EVC2: variants seen among roughly 807,000 people sequenced by gnomAD.
EVC2 encodes the protein EvC ciliary complex subunit 2.
Under a neutral mutation model 149.3 loss-of-function variants are expected in EVC2, and 148 were observed. The ratio of observed to expected loss-of-function variants is 0.99; its 90% CI spans 0.87 to 1.14. The LOEUF is 1.14. EVC2 is among the 50% of genes most tolerant of loss of function. The pLI is 0.00. For missense variants in EVC2, 1,854 were observed against 1,627.3 expected (o/e 1.14, Z -2.40); for synonymous variants, 776 against 649.9 (o/e 1.19, Z -2.95).
chr4:5,530,899 G>C, the EVC2 span, among the ~76,000 whole-genome samples: 1 of 152,154 alleles, frequency 6.6e-6, no homozygotes, highest in Non-Finnish European at 1.5e-5. Flanking sequence ...CTTGGTGTGA[G>C]CCACACTCAC....
At position 5,593,170 on chromosome 4, in the gene EVC2, T is replaced by C. The variant is rs537410791; in HGVS notation, c.2830-8320A>G. Among the ~76,000 whole-genome samples the C allele has an allele frequency of 2.6e-5, 4 of 152,260 alleles. No individual in the cohort carries two copies. The East Asian group carries it at 7.7e-4, about 29-fold the overall frequency. On this transcript the variant is annotated intron_variant, in intron 16 of 21. Transcript: ENST00000344408. ...CAATTAAACCTCTTTCCATTATAAA[T>C]CACCCAGTCTCGGGTATGTCCTTAT...
chr4:5,574,659 C>T, intron 19 of EVC2, 26 bp downstream of exon 19: 1 of 1,610,284 alleles, frequency 6.2e-7, no homozygotes, highest in Non-Finnish European at 8.5e-7. Context: ...AAGGGGTGGC[C>T]TCAGACCCTG....
chr4:5,627,273 T>C (rs1185656997), intron 12 of EVC2, among the ~76,000 whole-genome samples: 1 of 152,212 alleles, frequency 6.6e-6, no homozygotes. Context: ...AATTATGTCT[T>C]TTAAAATAGA....
chr4:5,657,161 A>G lies in EVC2; in HGVS notation c.1145+5946T>C, dbSNP rs76382939. Among the ~76,000 whole-genome samples, 15,648 of 152,106 alleles carry G rather than the reference A, an allele frequency of 0.1. 880 individuals are homozygous for G. Among genetic ancestry groups the G allele is most frequent in the East Asian group, 0.13 (691 of 5,140 alleles). On this transcript the variant is annotated intron_variant, in intron 9 of 21. Transcript: ENST00000344408. The surrounding 1 kb of genome is among the most constrained non-coding windows in gnomAD (Gnocchi z 4.7). ...CCCACCAGCCTCACACGGGCACTCC[A>G]TGTTGCTCAGCAAGTCTGGGTTTCT...
In EVC2 at chr4:5,660,968, C is replaced by T. The variant is rs148709936; in HGVS notation, c.1145+2139G>A. 3.4e-4 allele frequency among the ~76,000 whole-genome samples: 52 copies of T among 152,116 alleles called. No individual in the cohort carries two copies. The East Asian group carries it at 6.2e-3, about 18-fold the overall frequency. ...AAGCAGTACCAAATTAAATAAGGGG[C>T]GTGACATGAGCACCAAATTAAATAA... On this transcript the variant is annotated intron_variant, in intron 9 of 21. Transcript: ENST00000344408.
At chr4:5,693,928 T>C (rs1275766250) in intron 3 of EVC2, among the ~76,000 whole-genome samples, 1 of 152,238 alleles carries the variant, frequency 6.6e-6, no homozygotes, top group Non-Finnish European at 1.5e-5. Context: ...AAGAAACTCA[T>C]AATGAGGCTC....
intron 10 of EVC2, 93 bp from the exon 11 acceptor site, chr4:5,632,125 A>G: frequency 1.3e-6 from 2 of 1,524,976 alleles, no homozygotes; most frequent in East Asian, 2.3e-5. Flanking sequence ...ACATGTGCAC[A>G]CACAATGTGT....
chr4:5,536,578 A>G, the EVC2 span, among the ~76,000 whole-genome samples: 3 of 152,048 alleles, frequency 2.0e-5, no homozygotes, highest in Non-Finnish European at 4.4e-5. Flanking sequence ...AGGTCAGGAG[A>G]TCGAGACCAT....
intron 16 of EVC2, among the ~76,000 whole-genome samples, chr4:5,590,970 G>A (rs1294527917): frequency 1.3e-5 from 2 of 152,100 alleles, no homozygotes; most frequent in Admixed American, 6.5e-5. Flanking sequence ...GATCTCATGA[G>A]AACTCACTCA....
chr4:5,700,341 C>T (rs530015683), intron 1 of EVC2, among the ~76,000 whole-genome samples: 1 of 151,780 alleles, frequency 6.6e-6, no homozygotes, highest in South Asian at 2.1e-4. Flanking sequence ...GATGGCAAAG[C>T]ATCCATTGGA....
At chr4:5,683,552 A>G (rs776375406) in intron 6 of EVC2, among the ~76,000 whole-genome samples, 5 of 152,164 alleles carry the variant, frequency 3.3e-5, no homozygotes, top group Non-Finnish European at 7.4e-5. Context: ...TGAATAGGAC[A>G]CACTAGGTCC....
At chr4:5,593,441 G>A (rs866313145) in intron 16 of EVC2, among the ~76,000 whole-genome samples, 1 of 152,146 alleles carries the variant, frequency 6.6e-6, no homozygotes, top group Non-Finnish European at 1.5e-5. Context: ...TTCTTAGGAG[G>A]TGAGAATTAA....
At position 5,563,097 on chromosome 4, in the gene EVC2, A is replaced by C. The variant is rs745453932; in HGVS notation, c.3678T>G (p.Cys1226Trp). 2 of 1,613,980 alleles carry C rather than the reference A, an allele frequency of 1.2e-6. No individual in the cohort carries two copies. Among genetic ancestry groups the C allele is most frequent in the Non-Finnish European group, 1.7e-6 (2 of 1,180,032 alleles). Residue 1226 changes from cysteine to tryptophan, a missense_variant, in exon 22 of 22, where the codon TGT (cysteine) becomes TGG (tryptophan). Physicochemically the swap from Cys to Trp is radical, Grantham distance 215. Transcript: ENST00000344408. ...ATATCATCCTCTCTCTGAGAGGGAG[A>C]CATGTCTTCTTTAATATGCTAAAGA... ...KRKQSILKKT[C>W]LPLRERMIFS...
At chr4:5,562,314 T>C (rs1428058123), downstream of EVC2, 1 of 395,564 alleles carries the variant, frequency 2.5e-6, no homozygotes, top group Non-Finnish European at 3.5e-6. The surrounding 1 kb of genome is among the most constrained non-coding windows in gnomAD (Gnocchi z 4.3). Flanking sequence ...TGACACATGT[T>C]TTGGCAACTG....
At chr4:5,661,754 G>A in intron 9 of EVC2, among the ~76,000 whole-genome samples, 1 of 152,170 alleles carries the variant, frequency 6.6e-6, no homozygotes, top group East Asian at 1.9e-4. Flanking sequence ...GAGAAATCTT[G>A]GGCAATGATT....
chr4:5,699,764 A>T (rs1721711774), intron 1 of EVC2, among the ~76,000 whole-genome samples: 1 of 151,980 alleles, frequency 6.6e-6, no homozygotes, highest in African/African-American at 2.4e-5. Context: ...TCGAGGCTGC[A>T]GTGAGCTATG....
intron 9 of EVC2, among the ~76,000 whole-genome samples, chr4:5,659,566 C>T (rs1228279924): frequency 2.0e-5 from 3 of 152,116 alleles, no homozygotes; most frequent in Non-Finnish European, 4.4e-5. Flanking sequence ...GCTGAACACT[C>T]TCCGTGCATG....
intron 16 of EVC2, among the ~76,000 whole-genome samples, chr4:5,605,392 G>T (rs1400198235): frequency 2.0e-5 from 3 of 152,158 alleles, no homozygotes; most frequent in African/African-American, 7.2e-5. Context: ...GTTTAATGTG[G>T]TGAGCCTGCT....
intron 7 of EVC2, 128 bp from the exon 8 acceptor site, chr4:5,665,777 T>C: frequency 1.4e-6 from 2 of 1,431,302 alleles, no homozygotes; most frequent in Non-Finnish European, 1.9e-6. Flanking sequence ...TGAGTCTCGC[T>C]CTGCCAGCTA....
Sources: gnomAD v4.1 joint callset for allele counts (sites outside exome capture counted in the v4.1 genomes callset) on GRCh38, gnomAD v4.1.1 for gene constraint, Gnocchi (gnomAD v3.1) non-coding constraint, MANE v1.5 for transcripts, NCBI Gene and HGNC (gene_info 2026-07-23, HGNC 2026-07-21) for gene names.